The following NXPH1 variants were observed in gnomAD, a reference collection of about 807,000 sequenced individuals.
NXPH1 encodes neurexophilin-1.
A neutral mutation model predicts 23.7 loss-of-function variants in NXPH1; 5 were observed. That is an observed-to-expected ratio of 0.21 (90% CI 0.11 to 0.44). NXPH1 has a LOEUF of 0.44. NXPH1 is among the 20% of genes least tolerant of loss of function. The pLI, the probability that NXPH1 is intolerant of heterozygous loss-of-function variation, is 0.99. For missense variants in NXPH1, 324 were observed against 321.6 expected (o/e 1.01, Z -0.06); for synonymous variants, 144 against 122.2 (o/e 1.18, Z -1.18).
chr7:8,450,333 A>T (rs933092478), intron 2 of NXPH1, among the ~76,000 whole-genome samples: 2 of 152,256 alleles, frequency 1.3e-5, no homozygotes, highest in African/African-American at 4.8e-5. Context: ...ACTCTTTTTA[A>T]ATTAAAATAT....
intron 2 of NXPH1, among the ~76,000 whole-genome samples, chr7:8,473,041 C>T (rs1816894055): frequency 1.3e-5 from 2 of 151,982 alleles, no homozygotes; most frequent in South Asian, 2.1e-4. Flanking sequence ...CTCTCCAATT[C>T]TAAAAACAGA....
intron 2 of NXPH1, among the ~76,000 whole-genome samples, chr7:8,669,911 A>G (rs1028514955): frequency 3.3e-5 from 5 of 152,198 alleles, no homozygotes; most frequent in Non-Finnish European, 7.3e-5. Context: ...ATGCAGGGAT[A>G]GTTGTTCAAA....
chr7:8,637,187 C>T (rs1220529187), intron 2 of NXPH1, among the ~76,000 whole-genome samples: 1 of 151,420 alleles, frequency 6.6e-6, no homozygotes, highest in Non-Finnish European at 1.5e-5. Context: ...GTCCCTTACA[C>T]TTCATATTTC....
intron 2 of NXPH1, among the ~76,000 whole-genome samples, chr7:8,601,903 T>G (rs17152162): frequency 0.011 from 1,633 of 152,320 alleles, 26 homozygotes; most frequent in African/African-American, 0.037. Flanking sequence ...TCAGTTACAA[T>G]AAAAGTCCAG....
chr7:8,735,234 G>T (rs896448494), intron 2 of NXPH1, among the ~76,000 whole-genome samples: 4 of 152,100 alleles, frequency 2.6e-5, no homozygotes, highest in Non-Finnish European at 5.9e-5. Flanking sequence ...TTCCAAGGGA[G>T]TGCTTCTAGC....
At chr7:8,603,695 G>A (rs1367891199) in intron 2 of NXPH1, among the ~76,000 whole-genome samples, 1 of 152,020 alleles carries the variant, frequency 6.6e-6, no homozygotes, top group Non-Finnish European at 1.5e-5. Flanking sequence ...GACATTGAAA[G>A]GTACACACTT....
At chr7:8,437,728 G>T (rs1454447007) in intron 2 of NXPH1, among the ~76,000 whole-genome samples, 1 of 152,226 alleles carries the variant, frequency 6.6e-6, no homozygotes, top group Non-Finnish European at 1.5e-5. Context: ...AACAACAAGC[G>T]CATTAATTCT....
chr7:8,611,804 C>G (rs1327168460), intron 2 of NXPH1, among the ~76,000 whole-genome samples: 3 of 152,056 alleles, frequency 2.0e-5, no homozygotes, highest in African/African-American at 7.2e-5. Flanking sequence ...AGCCACTCAG[C>G]ATCTCTTTCT....
chr7:8,714,085 G>A (rs934702799), intron 2 of NXPH1, among the ~76,000 whole-genome samples: 3 of 152,186 alleles, frequency 2.0e-5, no homozygotes, highest in African/African-American at 7.2e-5. Context: ...GGTCTAGAGT[G>A]TGAAATCTTT....
At chr7:8,719,231 A>T (rs1341038411) in intron 2 of NXPH1, among the ~76,000 whole-genome samples, 1 of 152,228 alleles carries the variant, frequency 6.6e-6, no homozygotes, top group Non-Finnish European at 1.5e-5. Flanking sequence ...ACTTAATAGG[A>T]GATAATGACT....
intron 2 of NXPH1, among the ~76,000 whole-genome samples, chr7:8,525,765 A>G (rs1212271769): frequency 6.6e-6 from 1 of 152,226 alleles, no homozygotes; most frequent in Non-Finnish European, 1.5e-5. Flanking sequence ...ATGTGGGTGC[A>G]CAGAAGTCAA....
intron 2 of NXPH1, among the ~76,000 whole-genome samples, chr7:8,507,769 T>C (rs1014754074): frequency 1.3e-5 from 2 of 152,124 alleles, no homozygotes; most frequent in Admixed American, 6.6e-5. Flanking sequence ...TCTCCCCTCC[T>C]CACAGGAGAA....
At chr7:8,621,635 C>A (rs959055383) in intron 2 of NXPH1, among the ~76,000 whole-genome samples, 2 of 151,860 alleles carry the variant, frequency 1.3e-5, no homozygotes, top group South Asian at 2.1e-4. Flanking sequence ...TTACAGGCGT[C>A]TGGCACCACG....
rs143662525 is a variant in NXPH1, at chr7:8,628,678, A to G, written c.55-122330A>G. Reference sequence around the variant, plus strand: ...AGATTATCTTCAGGAAGATTCAACAATGTTCTTGAGTGGTATACAAAAAGC... The same window carrying G: ...AGATTATCTTCAGGAAGATTCAACAGTGTTCTTGAGTGGTATACAAAAAGC... On this transcript the variant is annotated intron_variant, in intron 2 of 2. Transcript: ENST00000405863. Among the ~76,000 whole-genome samples, 34 of 152,200 alleles carry G rather than the reference A, an allele frequency of 2.2e-4. No homozygotes were observed. In the East Asian group the frequency reaches 6.6e-3, roughly 29 times the overall value.
chr7:8,702,179 A>G (rs1779634951), intron 2 of NXPH1, among the ~76,000 whole-genome samples: 3 of 152,038 alleles, frequency 2.0e-5, no homozygotes, highest in Admixed American at 1.3e-4. Context: ...TGGTATCTCA[A>G]AGATTAGAAT....
intron 2 of NXPH1, among the ~76,000 whole-genome samples, chr7:8,659,362 C>T (rs13307453): frequency 0.64 from 96,593 of 152,010 alleles, 31,591 homozygotes; most frequent in Middle Eastern, 0.76. Context: ...TTAATCAAGG[C>T]TTTTAGCTTC....
chr7:8,636,759 T>G (rs1820223690), intron 2 of NXPH1, among the ~76,000 whole-genome samples: 1 of 152,244 alleles, frequency 6.6e-6, no homozygotes, highest in South Asian at 2.1e-4. Flanking sequence ...CAGGTTTGTA[T>G]AGTCCTACAA....
At chr7:8,687,493 C>T (rs979279536) in intron 2 of NXPH1, among the ~76,000 whole-genome samples, 4 of 152,134 alleles carry the variant, frequency 2.6e-5, no homozygotes, top group African/African-American at 9.7e-5. Flanking sequence ...CATTTTACCT[C>T]ATTTTTCTAA....
intron 2 of NXPH1, among the ~76,000 whole-genome samples, chr7:8,680,059 C>A (rs78522951): frequency 0.048 from 7,260 of 152,318 alleles, 428 homozygotes; most frequent in East Asian, 0.25. Context: ...AGTATGTTTT[C>A]AGACACGGAG....
Sources: gnomAD v4.1 joint callset for allele counts (sites outside exome capture counted in the v4.1 genomes callset) on GRCh38, gnomAD v4.1.1 for gene constraint, MANE v1.5 for transcripts, NCBI Gene and HGNC (gene_info 2026-07-23, HGNC 2026-07-21) for gene names.